Variants in RBFOX2 observed in about 807,000 individuals in gnomAD.
RBFOX2 encodes the protein RNA binding protein fox-1 homolog 2.
Under a neutral mutation model 49.1 loss-of-function variants are expected in RBFOX2, and 10 were observed. The observed-to-expected ratio is 0.20, with a 90% CI of 0.13 to 0.35. The LOEUF is 0.35. RBFOX2 is among the 10% of genes least tolerant of loss of function. The pLI, the probability that RBFOX2 is intolerant of heterozygous loss-of-function variation, is 1.00. For synonymous variants in RBFOX2, 183 were observed against 187.4 expected (o/e 0.98, Z 0.19); for missense variants, 323 against 486.9 (o/e 0.66, Z 3.17).
At chr22:35,955,381 TA>T (rs2149886672) in intron 1 of RBFOX2, among the ~76,000 whole-genome samples, 1 of 152,278 alleles carries the variant, frequency 6.6e-6, no homozygotes, top group East Asian at 1.9e-4. Flanking sequence ...TATATTAGCC[TA>T]AAAAATATTT....
At chr22:35,952,717 C>T (rs573179035) in intron 1 of RBFOX2, among the ~76,000 whole-genome samples, 1 of 152,274 alleles carries the variant, frequency 6.6e-6, no homozygotes, top group South Asian at 2.1e-4. Context: ...AATAAATTGA[C>T]AAATACTTGT....
At chr22:35,789,964 C>A (rs185584899) in intron 2 of RBFOX2, among the ~76,000 whole-genome samples, 4 of 152,244 alleles carry the variant, frequency 2.6e-5, no homozygotes, top group Admixed American at 2.0e-4. Context: ...TTCCTTCATT[C>A]TAAGTTGTTA....
At chr22:35,810,459 GT>G (rs1408507271) in intron 1 of RBFOX2, among the ~76,000 whole-genome samples, 33 of 151,954 alleles carry the variant, frequency 2.2e-4, no homozygotes, top group African/African-American at 7.7e-4. Flanking sequence ...GAGATGCTGG[GT>G]TATTATCACT....
chr22:36,019,059 C>A (rs1350414229), intron 1 of RBFOX2, among the ~76,000 whole-genome samples: 2 of 152,168 alleles, frequency 1.3e-5, no homozygotes, highest in Non-Finnish European at 2.9e-5. Context: ...CACTTTTGAA[C>A]CAACATACGT....
At chr22:36,028,124 A>T in intron 1 of RBFOX2, 116 bp downstream of exon 1, 2 of 1,267,514 alleles carry the variant, frequency 1.6e-6, no homozygotes, top group South Asian at 2.1e-5. Context: ...ATGGCCCCCC[A>T]TCCCACCTCC....
chr22:35,917,337 G>T (rs1014441331), intron 1 of RBFOX2, among the ~76,000 whole-genome samples: 2 of 152,020 alleles, frequency 1.3e-5, no homozygotes, highest in Admixed American at 6.5e-5. Context: ...GGGTCATGTT[G>T]AATAGATCTG....
At chr22:35,921,613 T>C (rs1171310102) in intron 1 of RBFOX2, among the ~76,000 whole-genome samples, 1 of 152,192 alleles carries the variant, frequency 6.6e-6, no homozygotes, top group Non-Finnish European at 1.5e-5. Flanking sequence ...ATACTGCACA[T>C]CCACCCAAAA....
At chr22:35,856,245 T>C (rs768646080) in intron 1 of RBFOX2, among the ~76,000 whole-genome samples, 17 of 152,164 alleles carry the variant, frequency 1.1e-4, no homozygotes, top group African/African-American at 3.6e-4. Context: ...GAGGACATGG[T>C]TGATGATGCT....
intron 1 of RBFOX2, among the ~76,000 whole-genome samples, chr22:35,827,935 G>C (rs1221047791): frequency 6.6e-6 from 1 of 152,200 alleles, no homozygotes; most frequent in East Asian, 1.9e-4. Context: ...GGGAGGCCGA[G>C]GTGGGCAGAT....
intron 1 of RBFOX2, among the ~76,000 whole-genome samples, chr22:35,848,971 T>TCTTACTTTA (rs2041557149): frequency 6.6e-6 from 1 of 152,162 alleles, no homozygotes; most frequent in East Asian, 1.9e-4. Context: ...ACTTCAATTT[T>TCTTACTTTA]TCTTACTATA....
At chr22:36,014,035 T>TA (rs2058936607) in intron 1 of RBFOX2, among the ~76,000 whole-genome samples, 1 of 151,996 alleles carries the variant, frequency 6.6e-6, no homozygotes, top group Non-Finnish European at 1.5e-5. Flanking sequence ...GTTTTTTTTT[T>TA]AATGTGTTTA....
chr22:35,777,871 A>T, intron 4 of RBFOX2, 154 bp downstream of exon 5: 2 of 727,178 alleles, frequency 2.8e-6, no homozygotes, highest in Middle Eastern at 3.1e-4. Context: ...GCCATGTGGT[A>T]GCTTATTTTT....
chr22:35,866,720 C>T (rs2043726065), intron 1 of RBFOX2, among the ~76,000 whole-genome samples: 1 of 152,096 alleles, frequency 6.6e-6, no homozygotes, highest in African/African-American at 2.4e-5. Flanking sequence ...AAAAAAGCCC[C>T]CAGTGAAAGG....
At chr22:35,883,278 T>G (rs2046160694) in intron 1 of RBFOX2, among the ~76,000 whole-genome samples, 2 of 152,212 alleles carry the variant, frequency 1.3e-5, no homozygotes, top group African/African-American at 4.8e-5. Context: ...CTAGCTACAG[T>G]GGATTTCCTG....
chr22:35,953,979 C>T (rs946522401), intron 1 of RBFOX2, among the ~76,000 whole-genome samples: 3 of 152,122 alleles, frequency 2.0e-5, no homozygotes, highest in Non-Finnish European at 2.9e-5. Context: ...TCCCTAAACG[C>T]TTAATAGGTT....
intron 1 of RBFOX2, among the ~76,000 whole-genome samples, chr22:35,882,852 A>G (rs2046089595): frequency 6.6e-6 from 1 of 152,214 alleles, no homozygotes; most frequent in Non-Finnish European, 1.5e-5. Flanking sequence ...ATTTAACAAC[A>G]GCATGGCATT....
At chr22:35,885,339 G>A (rs1305445205) in intron 1 of RBFOX2, among the ~76,000 whole-genome samples, 2 of 152,080 alleles carry the variant, frequency 1.3e-5, no homozygotes, top group Non-Finnish European at 2.9e-5. Flanking sequence ...GCAATTTCAA[G>A]TACTGTACAA....
chr22:36,005,073 T>C (rs1258628246), intron 1 of RBFOX2, among the ~76,000 whole-genome samples: 3 of 152,164 alleles, frequency 2.0e-5, no homozygotes, highest in Non-Finnish European at 4.4e-5. Context: ...ACGTGTTAAA[T>C]TTAGGAAGAA....
chr22:35,768,328 C>T, exon 5 of RBFOX2: 3 of 1,613,904 alleles, frequency 1.9e-6, no homozygotes, highest in Non-Finnish European at 2.5e-6. Flanking sequence ...GCACTATTCT[C>T]GAAAGTTACG....
Sources: gnomAD v4.1 joint callset for allele counts (sites outside exome capture counted in the v4.1 genomes callset) on GRCh38, gnomAD v4.1.1 for gene constraint, MANE v1.5 for transcripts, NCBI Gene and HGNC (gene_info 2026-07-23, HGNC 2026-07-21) for gene names.